VPS35L: variants seen among roughly 807,000 people sequenced by gnomAD.
The protein encoded by VPS35L is VPS35 endosomal protein-sorting factor-like.
VPS35L carries 83 observed loss-of-function variants against 133.0 expected under a neutral mutation model. The observed-to-expected ratio is 0.62, with a 90% confidence interval of 0.52 to 0.75. VPS35L has a LOEUF of 0.75. VPS35L is among the 30% of genes least tolerant of loss of function. The probability of loss-of-function intolerance (pLI) is 0.00; values close to 1 mark genes in which losing one functional copy is unlikely to be tolerated. For synonymous variants in VPS35L, 423 were observed against 449.9 expected, an observed-to-expected ratio of 0.94 and a Z score of 0.76; for missense variants, 1,083 against 1,206.8, an observed-to-expected ratio of 0.90 and a Z score of 1.52.
rs932006920 is a variant in VPS35L, at chr16:19,556,240, C to T, written c.17+494C>T. 3.3e-5 allele frequency among the ~76,000 whole-genome samples: 5 copies of T among 152,298 alleles called. No individual in the cohort carries two copies. The South Asian group carries it at 8.3e-4, about 25-fold the overall frequency. Reference sequence around the variant, plus strand: ...AGCCCTCAGACTTATTCCTTGGCCTCAAGGAGCTGACAGTATAATGGGGCA... The same window carrying T: ...AGCCCTCAGACTTATTCCTTGGCCTTAAGGAGCTGACAGTATAATGGGGCA... On this transcript the variant is annotated intron_variant, in intron 1 of 30. Coordinates refer to ENST00000417362, the MANE Select transcript of VPS35L (RefSeq NM_020314.7).
chr16:19,693,509 G>A (rs963580614), intron 29 of VPS35L, among the ~76,000 whole-genome samples: 16 of 152,000 alleles, frequency 1.1e-4, no homozygotes, highest in African/African-American at 2.4e-4. Context: ...GGCCAGGTAC[G>A]GTGACTCACG....
At chr16:19,680,165 C>T (rs1161630746) in intron 27 of VPS35L, among the ~76,000 whole-genome samples, 2 of 152,204 alleles carry the variant, frequency 1.3e-5, no homozygotes, top group Admixed American at 6.5e-5. Flanking sequence ...CTCAGTGGCT[C>T]ATTTCCCATC....
intron 27 of VPS35L, among the ~76,000 whole-genome samples, chr16:19,674,143 TC>T (rs1974971676): frequency 6.9e-6 from 1 of 145,320 alleles, no homozygotes; most frequent in African/African-American, 2.5e-5. Context: ...TTAACAAGAC[TC>T]CCACATCTCA....
intron 5 of VPS35L, chr16:19,578,392 G>T (rs1429394331): frequency 2.4e-6 from 1 of 420,786 alleles, no homozygotes; most frequent in Non-Finnish European, 4.6e-6. Flanking sequence ...AAAAATGCTA[G>T]AACAGAGGCC....
chr16:19,629,599 A>G (rs1973380101), intron 17 of VPS35L, among the ~76,000 whole-genome samples, 168 bp from the exon 18 acceptor site: 1 of 152,220 alleles, frequency 6.6e-6, no homozygotes, highest in Non-Finnish European at 1.5e-5. Context: ...AGGCTTGAAA[A>G]TATCGTTAGT....
chr16:19,681,579 A>G (rs1975281042), intron 27 of VPS35L, among the ~76,000 whole-genome samples: 1 of 152,220 alleles, frequency 6.6e-6, no homozygotes, highest in Admixed American at 6.5e-5. Context: ...CCTTTTTGGA[A>G]TGGAATTGAA....
chr16:19,685,877 G>T (rs1975439318), intron 28 of VPS35L, among the ~76,000 whole-genome samples: 1 of 152,088 alleles, frequency 6.6e-6, no homozygotes, highest in Non-Finnish European at 1.5e-5. Context: ...ACAGGAGCAT[G>T]CCCTGCCCTC....
At position 19,570,867 on chromosome 16, in the gene VPS35L, A is replaced by G. The variant is rs1567388550; in HGVS notation, c.285+1276A>G. ...TATATATATATATATATATATATAT[A>G]TATATATATATATATATATATATTT... On this transcript the variant is annotated intron_variant, in intron 3 of 30. Transcript: ENST00000417362. Among the ~76,000 whole-genome samples the G allele has an allele frequency of 4.7e-5, 3 of 64,270 alleles. 1 individual carries two copies. Among genetic ancestry groups the G allele is most frequent in the Non-Finnish European group, 7.8e-5 (3 of 38,426 alleles). The allele number at this position is 64,270 out of a possible 152,430, so 42.2% of individuals were successfully genotyped here.
intron 8 of VPS35L, among the ~76,000 whole-genome samples, chr16:19,592,538 C>G (rs1267870855): frequency 6.6e-6 from 1 of 152,056 alleles, no homozygotes. Context: ...GAGTTTCTGT[C>G]TCCAGGAATG....
intron 2 of VPS35L, 41 bp from the exon 3 acceptor site, chr16:19,569,383 T>C (rs1334232860): frequency 1.3e-6 from 2 of 1,595,192 alleles, no homozygotes; most frequent in East Asian, 2.2e-5. Flanking sequence ...CTGGAGAGAG[T>C]TGTGGGAGTT....
intron 14 of VPS35L, chr16:19,618,188 G>A (rs1392403855): frequency 2.0e-5 from 3 of 151,364 alleles, no homozygotes; most frequent in Non-Finnish European, 2.9e-5. Flanking sequence ...GACATATAGA[G>A]CAAAGCAAAG....
At chr16:19,581,106 T>C (rs1208786717) in intron 6 of VPS35L, among the ~76,000 whole-genome samples, 1 of 152,144 alleles carries the variant, frequency 6.6e-6, no homozygotes, top group Non-Finnish European at 1.5e-5. Flanking sequence ...TCTTATTGCT[T>C]GGGAATCTTG....
At chr16:19,678,783 G>A (rs1391312284) in intron 27 of VPS35L, among the ~76,000 whole-genome samples, 1 of 151,076 alleles carries the variant, frequency 6.6e-6, no homozygotes. Context: ...CAGCCCATCA[G>A]TACAATTAAA....
intron 23 of VPS35L, among the ~76,000 whole-genome samples, chr16:19,646,304 TCTTA>T (rs1330718090): frequency 1.3e-5 from 2 of 152,154 alleles, no homozygotes. Flanking sequence ...AGTTGAGCTC[TCTTA>T]CTTGGTGCTG....
intron 1 of VPS35L, among the ~76,000 whole-genome samples, chr16:19,558,031 T>C (rs113796872): frequency 0.044 from 6,745 of 152,018 alleles, 503 homozygotes; most frequent in African/African-American, 0.15. Context: ...GATCGTGCCA[T>C]TGCACTCCAG....
intron 7 of VPS35L, among the ~76,000 whole-genome samples, chr16:19,586,996 G>C (rs1244829787): frequency 2.6e-5 from 4 of 152,182 alleles, no homozygotes; most frequent in Admixed American, 6.5e-5. Context: ...TCTGCAGGCT[G>C]TATAGGAAGC....
intron 1 of VPS35L, among the ~76,000 whole-genome samples, chr16:19,564,138 G>A (rs961680272): frequency 6.6e-6 from 1 of 152,096 alleles, no homozygotes; most frequent in Non-Finnish European, 1.5e-5. Flanking sequence ...GAGTGCAGTG[G>A]CATGATCTCA....
chr16:19,629,248 A>G (rs1004098598), intron 17 of VPS35L, among the ~76,000 whole-genome samples: 1 of 152,192 alleles, frequency 6.6e-6, no homozygotes, highest in African/African-American at 2.4e-5. Context: ...CCTGGACAAC[A>G]TAGCAAGACC....
chr16:19,562,324 A>G (rs763871672), intron 1 of VPS35L, among the ~76,000 whole-genome samples: 5 of 152,186 alleles, frequency 3.3e-5, no homozygotes, highest in Non-Finnish European at 5.9e-5. Context: ...GGCTCAATCA[A>G]CTTGACAGAA....
Sources: allele counts gnomAD v4.1 joint callset (sites outside exome capture counted in the v4.1 genomes callset), GRCh38; gene constraint gnomAD v4.1.1; transcripts MANE v1.5; gene names NCBI Gene and HGNC (gene_info 2026-07-23, HGNC 2026-07-21).